HTR7: variants seen among roughly 807,000 people sequenced by gnomAD.
HTR7 encodes the protein 5-HT-7.
In HTR7, 16 loss-of-function variants were observed where a neutral mutation model predicts 34.0. The ratio of observed to expected loss-of-function variants is 0.47; its 90% CI spans 0.32 to 0.71. The LOEUF (loss-of-function observed/expected upper bound fraction) is 0.71, where lower values mean the gene tolerates loss of function less well. Among genes scored for constraint, HTR7 ranks in the 30% least tolerant of loss-of-function variants. The pLI is 0.04. For missense variants in HTR7, 504 were observed against 625.5 expected, an observed-to-expected ratio of 0.81 and a Z score of 2.07; for synonymous variants, 265 against 260.2, an observed-to-expected ratio of 1.02 and a Z score of -0.18.
At position 90,829,163 on chromosome 10, in the gene HTR7, T is replaced by C. The variant is rs187107092; in HGVS notation, c.539+27970A>G. ...GACAAAACCCATATATCATTTCAGCTGATGCTGAAAAAGACATTTGATAAA... is the reference window on the plus strand; with the variant it reads ...GACAAAACCCATATATCATTTCAGCCGATGCTGAAAAAGACATTTGATAAA... On this transcript the variant is annotated intron_variant, in intron 1 of 3. Transcript: ENST00000336152. 5.3e-3 allele frequency among the ~76,000 whole-genome samples: 801 copies of C among 152,284 alleles called. 3 individuals are homozygous for C. The highest frequency in any genetic ancestry group is 8.9e-3 in the Non-Finnish European group (606 of 68,028).
At chr10:90,784,207 A>G (rs1475153240) in intron 1 of HTR7, among the ~76,000 whole-genome samples, 2 of 152,218 alleles carry the variant, frequency 1.3e-5, no homozygotes, top group Non-Finnish European at 2.9e-5. Flanking sequence ...CGTTATCTTA[A>G]AATTAATTAT....
intron 1 of HTR7, among the ~76,000 whole-genome samples, chr10:90,830,593 C>G (rs1011444036): frequency 6.6e-6 from 1 of 152,062 alleles, no homozygotes; most frequent in Admixed American, 6.5e-5. Context: ...TGAGACCAGC[C>G]TGGGCAACAT....
chr10:90,813,395 G>A (rs1326448763), intron 1 of HTR7, among the ~76,000 whole-genome samples: 2 of 152,060 alleles, frequency 1.3e-5, no homozygotes, highest in Non-Finnish European at 2.9e-5. Flanking sequence ...GGTAGCACAC[G>A]CCTGTAGTCC....
At chr10:90,806,242 A>G (rs1402201622) in intron 1 of HTR7, among the ~76,000 whole-genome samples, 2 of 152,222 alleles carry the variant, frequency 1.3e-5, no homozygotes, top group Non-Finnish European at 2.9e-5. Context: ...ATAAAAGGGT[A>G]GGGAATGAGG....
In HTR7 at chr10:90,817,225, T is replaced by C. The variant is rs539590505; in HGVS notation, c.539+39908A>G. On this transcript the variant is annotated intron_variant, in intron 1 of 3. Transcript: ENST00000336152. ...TGGCCAAGGAAACCCCAGAGAAACC[T>C]GAAAAGCTGAGTTCACAGCCATGGT... 2.0e-5 allele frequency among the ~76,000 whole-genome samples: 3 copies of C among 152,224 alleles called. No individual in the cohort carries two copies. In the South Asian group the frequency reaches 6.2e-4, roughly 32 times the overall value.
In HTR7 at chr10:90,749,484, G is replaced by A; in HGVS notation, c.650C>T (p.Pro217Leu). Residue 217 changes from proline to leucine, a missense_variant, in exon 2 of 4, where the codon CCA becomes CTA. Pro to Leu is a moderately conservative substitution (Grantham distance 98). Around this residue, in one of 4 missense-constraint regions of HTR7, gnomAD observed 154 missense variants for 248.8 expected, o/e 0.62. Coordinates refer to ENST00000336152, the MANE Select transcript of HTR7 (RefSeq NM_019859.4). This position sits in a 1 kb window ranked among gnomAD's most constrained non-coding sequence, Gnocchi z 4.2. ...WLLSASITLP[P>L]LFGWAQNVND... ...TACATTCTGAGCCCATCCAAAGAGT[G>A]GAGGTAAGGTGATGGAGGCGGAGAG... 1 of 1,614,176 alleles carries A rather than the reference G, an allele frequency of 6.2e-7. No individual in the cohort carries two copies. The highest frequency in any genetic ancestry group is 1.3e-5 in the African/African-American group (1 of 75,048).
intron 1 of HTR7, among the ~76,000 whole-genome samples, chr10:90,850,788 A>T (rs751179631): frequency 7.9e-5 from 12 of 152,248 alleles, no homozygotes; most frequent in Admixed American, 3.9e-4. Flanking sequence ...ATAGTAGAAG[A>T]GACAATTAAC....
chr10:90,831,873 G>C (rs1253980286), intron 1 of HTR7, among the ~76,000 whole-genome samples: 1 of 152,072 alleles, frequency 6.6e-6, no homozygotes, highest in South Asian at 2.1e-4. Context: ...ACAGAGTGTC[G>C]ATTGGTGCAT....
At chr10:90,757,139 G>C (rs1844845220) in intron 1 of HTR7, among the ~76,000 whole-genome samples, 2 of 152,178 alleles carry the variant, frequency 1.3e-5, no homozygotes. Context: ...AAAGGTTAGA[G>C]GCAGGAAAAG....
intron 1 of HTR7, among the ~76,000 whole-genome samples, chr10:90,762,142 T>C (rs536379899): frequency 6.6e-6 from 1 of 152,354 alleles, no homozygotes; most frequent in South Asian, 2.1e-4. Flanking sequence ...TTTGGACATA[T>C]ACCCAGAAGT....
chr10:90,815,598 G>T (rs2119986734), intron 1 of HTR7, among the ~76,000 whole-genome samples: 1 of 152,264 alleles, frequency 6.6e-6, no homozygotes, highest in South Asian at 2.1e-4. Context: ...GAGAGCATTG[G>T]GAAGAATAGC....
intron 1 of HTR7, among the ~76,000 whole-genome samples, chr10:90,809,009 A>G (rs1845753284): frequency 6.6e-6 from 1 of 151,348 alleles, no homozygotes; most frequent in South Asian, 2.1e-4. Context: ...CTCGTCCCAA[A>G]TCTTCCTTCT....
chr10:90,794,421 T>C (rs954298612), intron 1 of HTR7, among the ~76,000 whole-genome samples: 7 of 152,134 alleles, frequency 4.6e-5, no homozygotes, highest in African/African-American at 7.3e-5. Context: ...ATAGTAAACA[T>C]ACAAACCAGC....
intron 1 of HTR7, among the ~76,000 whole-genome samples, chr10:90,783,159 A>G (rs1028107058): frequency 2.6e-5 from 4 of 152,120 alleles, no homozygotes; most frequent in African/African-American, 9.7e-5. Context: ...TCCAGTTTGA[A>G]GTGTTTTTAT....
intron 1 of HTR7, among the ~76,000 whole-genome samples, chr10:90,792,385 G>T (rs952015618): frequency 6.6e-6 from 1 of 151,108 alleles, no homozygotes; most frequent in Non-Finnish European, 1.5e-5. Flanking sequence ...TTTTGGTTTG[G>T]TTTTTTTTGG....
intron 1 of HTR7, among the ~76,000 whole-genome samples, chr10:90,821,433 C>T (rs1845979172): frequency 6.6e-6 from 1 of 152,184 alleles, no homozygotes; most frequent in Non-Finnish European, 1.5e-5. Flanking sequence ...ATGGAGGGAG[C>T]ATTTAAACCA....
At chr10:90,747,719 C>T (rs1171401670) in intron 2 of HTR7, among the ~76,000 whole-genome samples, 1 of 152,190 alleles carries the variant, frequency 6.6e-6, no homozygotes, top group Non-Finnish European at 1.5e-5. Flanking sequence ...TCCCTCTCTG[C>T]TAGAGTGGTC....
intron 1 of HTR7, among the ~76,000 whole-genome samples, chr10:90,837,286 A>C (rs1846268339): frequency 6.6e-6 from 1 of 152,192 alleles, no homozygotes; most frequent in African/African-American, 2.4e-5. Context: ...GAACTTTTTA[A>C]GTATTAGGAA....
rs181624989 is a variant in HTR7 at position 90,777,253 on chromosome 10, C to T, written c.540-27659G>A. ...ATCCCAGCACTTTGGGAGGCTGAGG[C>T]GGGTGGATCACGAGGTCAGGGGTTT... On this transcript the variant is annotated intron_variant, in intron 1 of 3. Coordinates refer to ENST00000336152, the MANE Select transcript of HTR7 (RefSeq NM_019859.4). Among the ~76,000 whole-genome samples the T allele has an allele frequency of 7.2e-5, 11 of 151,986 alleles. No individual in the cohort carries two copies. The South Asian group carries it at 1.5e-3, about 20-fold the overall frequency.
Sources: allele counts gnomAD v4.1 joint callset (sites outside exome capture counted in the v4.1 genomes callset), GRCh38; gene constraint gnomAD v4.1.1; regional missense constraint gnomAD v4.1.1; non-coding constraint Gnocchi (gnomAD v3.1); transcripts MANE v1.5; gene names NCBI Gene and HGNC (gene_info 2026-07-23, HGNC 2026-07-21).